The following TCERG1 variants were observed in gnomAD, a reference collection of about 807,000 sequenced individuals.
The protein encoded by TCERG1 is TATA box binding protein (TBP)-associated factor, RNA polymerase II, S, 150kD.
TCERG1 carries 37 observed loss-of-function variants against 144.7 expected under a neutral mutation model. That is an observed-to-expected ratio of 0.26 (90% CI 0.20 to 0.34). The LOEUF is 0.34. Ranked by LOEUF, TCERG1 falls within the 10% of genes least tolerant of loss-of-function variation. The pLI is 1.00. For missense variants in TCERG1, 1,027 were observed against 1,380.7 expected, an observed-to-expected ratio of 0.74 and a Z score of 4.06; for synonymous variants, 492 against 458.2, an observed-to-expected ratio of 1.07 and a Z score of -0.94.
At chr5:146,492,862 G>A (rs894757333) in intron 15 of TCERG1, 58 bp from the exon 16 acceptor site, 8 of 1,183,194 alleles carry the variant, frequency 6.8e-6, no homozygotes, top group Admixed American at 3.9e-5. Context: ...CAATAATTTG[G>A]TAGTTAAATT....
intron 9 of TCERG1, among the ~76,000 whole-genome samples, chr5:146,475,723 T>C (rs749491135): frequency 1.7e-4 from 26 of 152,266 alleles, no homozygotes; most frequent in Non-Finnish European, 3.5e-4. Context: ...TAGGCATAAC[T>C]GTGTTAAGGG....
intron 15 of TCERG1, among the ~76,000 whole-genome samples, chr5:146,488,057 A>T (rs1310282289): frequency 6.6e-6 from 1 of 152,212 alleles, no homozygotes; most frequent in African/African-American, 2.4e-5. Flanking sequence ...ATGCAGAAGA[A>T]ATGAAATTAG....
chr5:146,508,531 A>G (rs903890291), intron 21 of TCERG1, among the ~76,000 whole-genome samples: 5 of 152,200 alleles, frequency 3.3e-5, no homozygotes, highest in Admixed American at 6.5e-5. Flanking sequence ...TGGATTGTAG[A>G]TGTTTGGACC....
intron 4 of TCERG1, 71 bp downstream of exon 4, chr5:146,459,408 A>G: frequency 1.3e-6 from 2 of 1,545,712 alleles, no homozygotes; most frequent in African/African-American, 1.4e-5. Context: ...TACATTTCAT[A>G]TTGATCCCAG....
At chr5:146,477,692 CT>C (rs1168989847) in intron 9 of TCERG1, among the ~76,000 whole-genome samples, 527 of 79,372 alleles carry the variant, frequency 6.6e-3, no homozygotes, top group African/African-American at 0.017. Context: ...TGGTACTTTA[CT>C]TTTTTTTTTT....
At chr5:146,467,841 C>T (rs1326075300) in intron 5 of TCERG1, among the ~76,000 whole-genome samples, 1 of 152,192 alleles carries the variant, frequency 6.6e-6, no homozygotes, top group Non-Finnish European at 1.5e-5. Context: ...CTTTCTTCCT[C>T]TCCTCACCAC....
chr5:146,473,665 AG>A (rs1764556760), intron 9 of TCERG1, among the ~76,000 whole-genome samples: 1 of 152,060 alleles, frequency 6.6e-6, no homozygotes, highest in Non-Finnish European at 1.5e-5. Context: ...TGAAAATCCT[AG>A]GGCCCTTGAG....
At position 146,493,035 on chromosome 5, in the gene TCERG1, C is replaced by A; in HGVS notation, c.2279C>A (p.Pro760Gln). Residue 760 changes from proline to glutamine, a missense_variant, in exon 16 of 23, where the codon CCA becomes CAA. By Grantham distance (76) the Pro-to-Gln change is moderately conservative. Around this residue, in one of 6 missense-constraint regions of TCERG1, gnomAD observed 482 missense variants for 632.6 expected, o/e 0.76. Coordinates refer to ENST00000679501, the MANE Select transcript of TCERG1 (RefSeq NM_001382548.1). ...KKMMEEAKFN[P>Q]RATFSEFAAK... Reference sequence around the variant, plus strand: ...ATGATGGAAGAAGCAAAATTTAATCCAAGGTATGTGGTTTGTTTCTCTTAA... The same window carrying A: ...ATGATGGAAGAAGCAAAATTTAATCAAAGGTATGTGGTTTGTTTCTCTTAA... 6.3e-7 allele frequency: 1 copy of A among 1,582,230 alleles called. No homozygotes were observed. The highest frequency in any genetic ancestry group is 8.6e-7 in the Non-Finnish European group (1 of 1,157,770).
At chr5:146,489,152 G>C (rs889938991) in intron 15 of TCERG1, among the ~76,000 whole-genome samples, 14 of 152,108 alleles carry the variant, frequency 9.2e-5, no homozygotes, top group African/African-American at 2.9e-4. Flanking sequence ...TAGGATGACT[G>C]GTTAACAATA....
intron 2 of TCERG1, 119 bp downstream of exon 2, chr5:146,455,400 A>G (rs1762740884): frequency 8.9e-7 from 1 of 1,121,850 alleles, no homozygotes; most frequent in Non-Finnish European, 1.3e-6. Flanking sequence ...TGGGAGCTAA[A>G]GAGAAGATCC....
At chr5:146,470,591 T>C (rs777745561) in intron 7 of TCERG1, 45 bp from the exon 8 acceptor site, 6 of 1,515,202 alleles carry the variant, frequency 4.0e-6, no homozygotes, top group Non-Finnish European at 3.6e-6. Context: ...TCTTAGAAAA[T>C]TACGTCAAAA....
chr5:146,471,619 G>C, intron 9 of TCERG1, 43 bp downstream of exon 9: 1 of 1,437,612 alleles, frequency 7.0e-7, no homozygotes, highest in Non-Finnish European at 9.6e-7. Context: ...TTTTTTTTGA[G>C]ACGGAGTCTC....
intron 16 of TCERG1, among the ~76,000 whole-genome samples, chr5:146,497,811 C>G (rs376218909): frequency 7.2e-5 from 11 of 152,288 alleles, no homozygotes; most frequent in African/African-American, 2.4e-4. Flanking sequence ...CCTATTCTCC[C>G]TTTAATACTA....
Position 146,493,018 on chromosome 5 carries a change from A to T in TCERG1, c.2262A>T (p.Glu754Asp). The T allele has an allele frequency of 6.2e-7, 1 of 1,603,934 alleles. No homozygotes were observed. Among genetic ancestry groups the T allele is most frequent in the Non-Finnish European group, 8.5e-7 (1 of 1,175,692 alleles). Residue 754 changes from glutamate to aspartate, a missense_variant, in exon 16 of 23, where the codon GAA becomes GAT. Transcript: ENST00000679501. ...AGGAAGATTTCAAAAAAATGATGGA[A>T]GAAGCAAAATTTAATCCAAGGTATG... ...QAKEDFKKMM[E>D]EAKFNPRATF...
intron 9 of TCERG1, among the ~76,000 whole-genome samples, chr5:146,478,136 C>T (rs949043449): frequency 1.3e-5 from 2 of 152,124 alleles, no homozygotes; most frequent in Admixed American, 1.3e-4. Context: ...TGTTCTTTAG[C>T]TTTAGAACTG....
At chr5:146,496,033 G>A (rs990312640) in intron 16 of TCERG1, among the ~76,000 whole-genome samples, 1 of 152,050 alleles carries the variant, frequency 6.6e-6, no homozygotes, top group Non-Finnish European at 1.5e-5. Context: ...GGCGCCTGTA[G>A]TCCCAGCTAC....
intron 15 of TCERG1, among the ~76,000 whole-genome samples, chr5:146,490,979 G>A (rs1766353962): frequency 6.6e-6 from 1 of 151,846 alleles, no homozygotes; most frequent in Non-Finnish European, 1.5e-5. Flanking sequence ...TCTTAGCTCT[G>A]TGAGGTTGTT....
At chr5:146,484,230 G>C (rs1765622420) in intron 15 of TCERG1, among the ~76,000 whole-genome samples, 1 of 152,122 alleles carries the variant, frequency 6.6e-6, no homozygotes, top group South Asian at 2.1e-4. Flanking sequence ...CAGAAAAACA[G>C]TGGATACTTA....
chr5:146,463,629 C>T lies in TCERG1; in HGVS notation c.971C>T (p.Pro324Leu). ...ACAGTTAGTGTTTCAACTCCTGCTC[C>T]TACAGCCACACCTGTGCAAACCGTT... The part of the protein sequence containing the change: ...TPTVSVSTPA[P>L]TATPVQTVPQ... The change falls in exon 5 of 23, where the codon CCT (proline) becomes CTT (leucine). Residue 324 changes from proline to leucine, a missense_variant. Physicochemically the swap from Pro to Leu is moderately conservative, Grantham distance 98. Transcript: ENST00000679501. 6.2e-7 allele frequency: 1 copy of T among 1,614,184 alleles called. No individual in the cohort carries two copies. The highest frequency in any genetic ancestry group is 8.5e-7 in the Non-Finnish European group (1 of 1,180,026).
Sources: gnomAD v4.1 joint callset for allele counts (sites outside exome capture counted in the v4.1 genomes callset) on GRCh38, gnomAD v4.1.1 for gene constraint, gnomAD v4.1.1 regional missense constraint, MANE v1.5 for transcripts, NCBI Gene and HGNC (gene_info 2026-07-23, HGNC 2026-07-21) for gene names.